Variants in EXD2 observed in about 807,000 individuals in gnomAD.
The protein encoded by EXD2 is exonuclease 3'-5' domain containing 2.
EXD2 carries 40 observed loss-of-function variants against 62.5 expected under a neutral mutation model. That is an observed-to-expected ratio of 0.64 (90% CI 0.50 to 0.83). EXD2 has a LOEUF of 0.83. Ranked by LOEUF, EXD2 falls within the 40% of genes least tolerant of loss-of-function variation. The probability of loss-of-function intolerance (pLI) is 0.00; values close to 1 mark genes in which losing one functional copy is unlikely to be tolerated. For missense variants in EXD2, 671 were observed against 761.8 expected, an observed-to-expected ratio of 0.88 and a Z score of 1.40; for synonymous variants, 239 against 291.9, an observed-to-expected ratio of 0.82 and a Z score of 1.85.
chr14:69,225,670 C>T (rs542075815), intron 3 of EXD2, among the ~76,000 whole-genome samples: 53 of 152,202 alleles, frequency 3.5e-4, no homozygotes, highest in African/African-American at 1.3e-3. Context: ...TAAAACGTGT[C>T]ACTTTTTAAT....
At chr14:69,224,503 A>G (rs2043293417) in intron 3 of EXD2, among the ~76,000 whole-genome samples, 1 of 151,756 alleles carries the variant, frequency 6.6e-6, no homozygotes, top group African/African-American at 2.4e-5. Flanking sequence ...CACCCCTACT[A>G]CCTCCTGAGT....
At chr14:69,207,384 C>T (rs1364661558) in intron 2 of EXD2, among the ~76,000 whole-genome samples, 1 of 152,000 alleles carries the variant, frequency 6.6e-6, no homozygotes, top group Non-Finnish European at 1.5e-5. Context: ...GTCCCAGCTG[C>T]TTGGGAGGCT....
At position 69,193,991 on chromosome 14, in the gene EXD2, A is replaced by G. The variant is rs1044628416; in HGVS notation, c.-132+2400A>G. 4.0e-5 allele frequency among the ~76,000 whole-genome samples: 6 copies of G among 151,734 alleles called. No individual in the cohort carries two copies. The South Asian group carries it at 6.2e-4, about 16-fold the overall frequency. ...TGCTGAAGTTGAAAAATCCTTCTCT[A>G]CTTTTAGAGAGAGGAGGGTTTTCTC... On this transcript the variant is annotated intron_variant, in intron 1 of 9. Coordinates refer to ENST00000685843, the MANE Select transcript of EXD2 (RefSeq NM_001193360.2).
chr14:69,235,424 G>T (rs1476126262), intron 6 of EXD2, among the ~76,000 whole-genome samples: 1 of 152,144 alleles, frequency 6.6e-6, no homozygotes, highest in African/African-American at 2.4e-5. Context: ...CAGGAGAAAT[G>T]CATCATCTGA....
At chr14:69,237,314 A>T (rs139421108) in intron 8 of EXD2, among the ~76,000 whole-genome samples, 121 of 152,290 alleles carry the variant, frequency 7.9e-4, no homozygotes, top group African/African-American at 2.8e-3. Context: ...GGTTGTTATT[A>T]ACCTGTCACT....
In EXD2 at chr14:69,234,734, T is replaced by A; in HGVS notation, c.752T>A (p.Val251Glu). 6.2e-7 allele frequency: 1 copy of A among 1,613,660 alleles called. No homozygotes were observed. Among genetic ancestry groups the A allele is most frequent in the South Asian group, 1.1e-5 (1 of 91,030 alleles). The part of the protein sequence containing the change: ...IYAARDAQIS[V>E]ALFLHLLGYP... ...GCTGCCAGGGATGCCCAGATTTCAG[T>A]GGCTCTCTTTCTTCATCTTCTTGGA... The change falls in exon 6 of 10, where the codon GTG becomes GAG. Residue 251 changes from valine to glutamate, a missense_variant. By Grantham distance (121) the Val-to-Glu change is moderately radical. Coordinates refer to ENST00000685843, the MANE Select transcript of EXD2 (RefSeq NM_001193360.2).
At chr14:69,213,582 G>T (rs1195001792) in intron 3 of EXD2, among the ~76,000 whole-genome samples, 2 of 106,386 alleles carry the variant, frequency 1.9e-5, no homozygotes, top group Non-Finnish European at 3.6e-5. Context: ...TTGTTGTGTT[G>T]CCCTGGCTGG....
intron 1 of EXD2, among the ~76,000 whole-genome samples, chr14:69,198,351 A>G (rs2042278403): frequency 6.6e-6 from 1 of 152,170 alleles, no homozygotes; most frequent in African/African-American, 2.4e-5. Context: ...TTCCTCTGCC[A>G]TAATTCGAGT....
At chr14:69,238,918 G>C (rs2043893263) in intron 9 of EXD2, among the ~76,000 whole-genome samples, 2 of 152,144 alleles carry the variant, frequency 1.3e-5, no homozygotes, top group Admixed American at 6.5e-5. Context: ...ATGAACCACT[G>C]TGCCTGGCCC....
chr14:69,203,055 A>AGTTT (rs758178206), intron 1 of EXD2, among the ~76,000 whole-genome samples: 7 of 151,988 alleles, frequency 4.6e-5, no homozygotes, highest in East Asian at 3.9e-4. Context: ...CCGTGTCTCA[A>AGTTT]GTTTGTTTGT....
intron 7 of EXD2, 108 bp downstream of exon 7, chr14:69,236,260 C>A (rs1214794877): frequency 6.7e-7 from 1 of 1,498,770 alleles, no homozygotes; most frequent in Non-Finnish European, 9.3e-7. Flanking sequence ...GCAGAGAGAC[C>A]GTGAGATGCA....
chr14:69,221,561 G>T (rs2043183504), intron 3 of EXD2, among the ~76,000 whole-genome samples: 1 of 151,546 alleles, frequency 6.6e-6, no homozygotes. Flanking sequence ...CAGGCAAGGA[G>T]TATGAGACCA....
intron 3 of EXD2, among the ~76,000 whole-genome samples, chr14:69,213,373 CTTTTTTTTTTTTT>C (rs150182640): frequency 1.1e-5 from 1 of 90,020 alleles, no homozygotes; most frequent in Non-Finnish European, 2.0e-5. Flanking sequence ...ATGCTGGGCC[CTTTTTTTTTTTTT>C]TTTTTTTTTT....
chr14:69,237,916 C>T lies in EXD2; in HGVS notation c.1634C>T (p.Ala545Val). Residue 545 changes from alanine to valine, a missense_variant, in exon 9 of 10, where the codon GCC becomes GTC. Physicochemically the swap from Ala to Val is moderately conservative, Grantham distance 64 (BLOSUM62 0). Transcript: ENST00000685843. ...ACAGAGGAGATGCTTCAAGAGGCTG[C>T]CAGCCTGGAGACCAGGTACAAAGCA... is the stretch of plus-strand genomic sequence containing the variant. ...VVTEEMLQEA[A>V]SLETRISNEN... 1.3e-6 allele frequency: 2 copies of T among 1,561,894 alleles called. No homozygotes were observed. The highest frequency in any genetic ancestry group is 8.6e-7 in the Non-Finnish European group (1 of 1,156,652).
At position 69,229,075 on chromosome 14, in the gene EXD2, G is replaced by A. The variant is rs3742899; in HGVS notation, c.590+3G>A. On this transcript the variant is annotated splice_donor_region_variant and intron_variant, in intron 4 of 9. Transcript: ENST00000685843. ...CGATACCTAGCCATGCGGCAGAGGT[G>A]TGGTTTGTATGAATGCTGGGATTCC... 1,049,239 of 1,613,640 alleles carry A rather than the reference G, an allele frequency of 0.65. 346,757 individuals are homozygous for A. The highest frequency in any genetic ancestry group is 0.95 in the East Asian group (42,743 of 44,882).
intron 8 of EXD2, 26 bp from the exon 9 acceptor site, chr14:69,237,549 C>T (rs747987501): frequency 1.9e-6 from 3 of 1,609,522 alleles, no homozygotes; most frequent in South Asian, 2.2e-5. Flanking sequence ...CTTATGAGCG[C>T]TGCTTTCCGG....
intron 3 of EXD2, among the ~76,000 whole-genome samples, chr14:69,226,586 A>G (rs934505529): frequency 2.6e-5 from 4 of 152,112 alleles, no homozygotes; most frequent in Non-Finnish European, 4.4e-5. Context: ...TGTCTCTACT[A>G]AAAATACAAA....
chr14:69,200,865 G>A (rs1242782550), intron 1 of EXD2, among the ~76,000 whole-genome samples: 2 of 152,082 alleles, frequency 1.3e-5, no homozygotes, highest in Non-Finnish European at 2.9e-5. Context: ...CCTGAGGTCA[G>A]GAGTTCGAGA....
At chr14:69,230,369 C>G in intron 4 of EXD2, 103 bp from the exon 5 acceptor site, 1 of 630,868 alleles carries the variant, frequency 1.6e-6, no homozygotes, top group Admixed American at 3.1e-5. Flanking sequence ...TAGTGAGATT[C>G]AGTATGTTAT....
Sources: gnomAD v4.1 joint callset for allele counts (sites outside exome capture counted in the v4.1 genomes callset) on GRCh38, gnomAD v4.1.1 for gene constraint, MANE v1.5 for transcripts, NCBI Gene and HGNC (gene_info 2026-07-23, HGNC 2026-07-21) for gene names.